TNR: variants seen among roughly 807,000 people sequenced by gnomAD.
TNR encodes the protein tenascin R.
In TNR, 45 loss-of-function variants were observed where a neutral mutation model predicts 150.4. The observed-to-expected ratio is 0.30, with a 90% CI of 0.24 to 0.38. The LOEUF is 0.38. TNR is among the 10% of genes least tolerant of loss of function. TNR has a pLI of 1.00. For synonymous variants in TNR, 687 were observed against 678.4 expected, an observed-to-expected ratio of 1.01 and a Z score of -0.20; for missense variants, 1,544 against 1,759.1, an observed-to-expected ratio of 0.88 and a Z score of 2.19.
Position 175,612,464 on chromosome 1 carries a change from T to C in TNR, c.-164-84095A>G, listed in dbSNP as rs557558384. On this transcript the variant is annotated intron_variant, in intron 1 of 22. Coordinates refer to ENST00000367674, the MANE Select transcript of TNR (RefSeq NM_003285.3). ...GGGCAATGACCTTCTATTTCAGAAATGCCCTGCAGGGACAGGCATCAGTCA... is the reference window on the plus strand; with the variant it reads ...GGGCAATGACCTTCTATTTCAGAAACGCCCTGCAGGGACAGGCATCAGTCA... Among the ~76,000 whole-genome samples the C allele has an allele frequency of 5.9e-5, 9 of 152,294 alleles. 1 individual carries two copies. The highest frequency in any genetic ancestry group is 1.9e-4 in the African/African-American group (8 of 41,572).
intron 1 of TNR, among the ~76,000 whole-genome samples, chr1:175,726,349 G>A (rs1211040520): frequency 3.3e-5 from 5 of 152,212 alleles, no homozygotes; most frequent in Admixed American, 3.3e-4. Context: ...GGAGATGTAG[G>A]AGGAAGTCCA....
intron 18 of TNR, among the ~76,000 whole-genome samples, chr1:175,337,889 CA>C (rs1391816946): frequency 6.6e-6 from 1 of 152,172 alleles, no homozygotes; most frequent in Non-Finnish European, 1.5e-5. Flanking sequence ...AGACAACATA[CA>C]ATTTCATGGG....
intron 1 of TNR, among the ~76,000 whole-genome samples, chr1:175,736,531 A>C (rs1170300490): frequency 2.0e-5 from 3 of 151,788 alleles, no homozygotes; most frequent in Non-Finnish European, 2.9e-5. Context: ...AAAAAAAAAA[A>C]GATGTGATGA....
chr1:175,558,628 C>T (rs1188249181), intron 1 of TNR, among the ~76,000 whole-genome samples: 1 of 152,092 alleles, frequency 6.6e-6, no homozygotes, highest in Admixed American at 6.6e-5. Flanking sequence ...TTCTGATACA[C>T]CGTTATTGAT....
At chr1:175,607,613 T>G (rs1488031841) in intron 1 of TNR, among the ~76,000 whole-genome samples, 1 of 152,202 alleles carries the variant, frequency 6.6e-6, no homozygotes, top group Non-Finnish European at 1.5e-5. Flanking sequence ...ATGAATCCTT[T>G]CTGCACCAAA....
intron 2 of TNR, among the ~76,000 whole-genome samples, chr1:175,451,213 TTTTAATGTTTTTA>T (rs1414290558): frequency 4.3e-5 from 6 of 140,786 alleles, no homozygotes; most frequent in Non-Finnish European, 7.8e-5. Flanking sequence ...AGTTTTTTTT[TTTTAATGTTTTTA>T]TTTTTTTATT....
intron 2 of TNR, among the ~76,000 whole-genome samples, chr1:175,502,124 C>T (rs1338179561): frequency 6.6e-6 from 1 of 152,152 alleles, no homozygotes; most frequent in African/African-American, 2.4e-5. Flanking sequence ...TAACTGACCC[C>T]CCATGCCTAG....
At chr1:175,503,637 G>A (rs1381568536) in intron 2 of TNR, among the ~76,000 whole-genome samples, 1 of 152,190 alleles carries the variant, frequency 6.6e-6, no homozygotes, top group Non-Finnish European at 1.5e-5. Context: ...CACAAGGGCA[G>A]CTTTCTCCCA....
At chr1:175,417,032 A>AAAGAAAGAAAGAAAGAAAG (rs1654508548) in intron 2 of TNR, among the ~76,000 whole-genome samples, 2 of 97,730 alleles carry the variant, frequency 2.0e-5, no homozygotes, top group African/African-American at 7.5e-5. Flanking sequence ...AGAAAGAAAG[A>AAAGAAAGAAAGAAAGAAAG]AAGAAAGAAA....
At chr1:175,597,871 A>G (rs1337881693) in intron 1 of TNR, among the ~76,000 whole-genome samples, 2 of 152,326 alleles carry the variant, frequency 1.3e-5, no homozygotes, top group East Asian at 1.9e-4. Flanking sequence ...TTATTCCTCT[A>G]GGCTCATTTC....
rs749555807 is a variant in TNR, at chr1:175,693,271, A to G, written c.-165+49955T>C. On this transcript the variant is annotated intron_variant, in intron 1 of 22. Transcript: ENST00000367674. Reference sequence around the variant, plus strand: ...TGCTCACTTCTCTTTTATTTCTCAAACACCCTCCACCATCCACCTGTCTCC... The same window carrying G: ...TGCTCACTTCTCTTTTATTTCTCAAGCACCCTCCACCATCCACCTGTCTCC... Among the ~76,000 whole-genome samples, 81 of 152,270 alleles carry G rather than the reference A, an allele frequency of 5.3e-4. 1 individual carries two copies. The highest frequency in any genetic ancestry group is 9.9e-4 in the Non-Finnish European group (67 of 68,016).
At chr1:175,538,083 C>T (rs931813272) in intron 1 of TNR, among the ~76,000 whole-genome samples, 5 of 152,154 alleles carry the variant, frequency 3.3e-5, no homozygotes, top group Admixed American at 2.0e-4. Flanking sequence ...AGCTTAAGAG[C>T]TTAGTGCATA....
intron 1 of TNR, among the ~76,000 whole-genome samples, chr1:175,580,755 T>C (rs16848703): frequency 0.096 from 14,681 of 152,316 alleles, 800 homozygotes; most frequent in Middle Eastern, 0.15. Context: ...TTTGTGTTTG[T>C]GTGGGATACG....
chr1:175,602,644 A>T (rs1305550678), intron 1 of TNR, among the ~76,000 whole-genome samples: 1 of 152,194 alleles, frequency 6.6e-6, no homozygotes, highest in Non-Finnish European at 1.5e-5. Flanking sequence ...TGGCATCTTC[A>T]CTCTTGTGAA....
intron 2 of TNR, among the ~76,000 whole-genome samples, chr1:175,441,873 A>G (rs1655801401): frequency 6.6e-6 from 1 of 152,144 alleles, no homozygotes; most frequent in Non-Finnish European, 1.5e-5. Flanking sequence ...AAATCTAAAA[A>G]CCAAGGTGGT....
intron 1 of TNR, among the ~76,000 whole-genome samples, chr1:175,724,753 A>G (rs1021079113): frequency 3.9e-5 from 6 of 152,216 alleles, no homozygotes; most frequent in African/African-American, 1.2e-4. Context: ...AGAACATGTA[A>G]CCATGGCACC....
intron 7 of TNR, among the ~76,000 whole-genome samples, chr1:175,386,771 G>A (rs859439): frequency 0.37 from 56,865 of 151,962 alleles, 10,928 homozygotes; most frequent in East Asian, 0.52. Context: ...GTCATCATGA[G>A]TATTCAAAAG....
At chr1:175,684,154 A>AT (rs1443510550) in intron 1 of TNR, among the ~76,000 whole-genome samples, 1 of 152,172 alleles carries the variant, frequency 6.6e-6, no homozygotes, top group Non-Finnish European at 1.5e-5. Context: ...GAGGTCTGGG[A>AT]TGTCAGCATT....
intron 1 of TNR, among the ~76,000 whole-genome samples, chr1:175,718,646 T>C (rs988678503): frequency 6.6e-6 from 1 of 152,132 alleles, no homozygotes. Context: ...CCATCCTAAA[T>C]AGACAAATAA....
Sources: gnomAD v4.1 joint callset for allele counts (sites outside exome capture counted in the v4.1 genomes callset) on GRCh38, gnomAD v4.1.1 for gene constraint, MANE v1.5 for transcripts, NCBI Gene and HGNC (gene_info 2026-07-23, HGNC 2026-07-21) for gene names.